The following MTAP variants were observed in gnomAD, a reference collection of about 807,000 sequenced individuals.
MTAP encodes the protein S-methyl-5'-thioadenosine phosphorylase.
A neutral mutation model predicts 33.6 loss-of-function variants in MTAP; 33 were observed. The ratio of observed to expected loss-of-function variants is 0.98; its 90% CI spans 0.74 to 1.31. The LOEUF is 1.31. MTAP is among the 40% of genes most tolerant of loss of function. The pLI is 0.00. For missense variants in MTAP, 367 were observed against 360.0 expected, an observed-to-expected ratio of 1.02 and a Z score of -0.16; for synonymous variants, 148 against 125.7, an observed-to-expected ratio of 1.18 and a Z score of -1.19.
intron 6 of MTAP, among the ~76,000 whole-genome samples, chr9:21,857,655 A>G (rs1360758549): frequency 2.0e-5 from 3 of 152,228 alleles, no homozygotes; most frequent in African/African-American, 7.2e-5. Flanking sequence ...TTCAACCATT[A>G]TATTAACTTA....
chr9:21,938,779 A>C (rs1466294199), downstream of MTAP, among the ~76,000 whole-genome samples: 1 of 152,218 alleles, frequency 6.6e-6, no homozygotes. Context: ...AAGTTATTCC[A>C]AATGCTTTGT....
chr9:21,825,887 G>C (rs111380092), intron 4 of MTAP, among the ~76,000 whole-genome samples: 1,879 of 152,268 alleles, frequency 0.012, 31 homozygotes, highest in African/African-American at 0.043. Context: ...TTTTCTTGAT[G>C]ATTAGTGATG....
At chr9:21,834,170 C>T (rs530571110) in intron 4 of MTAP, among the ~76,000 whole-genome samples, 1 of 152,318 alleles carries the variant, frequency 6.6e-6, no homozygotes, top group African/African-American at 2.4e-5. Flanking sequence ...AAGTGCCAAG[C>T]ACTTGCTTCA....
chr9:21,880,880 G>A (rs930843105), intron 1 of MTAP, among the ~76,000 whole-genome samples: 1 of 151,888 alleles, frequency 6.6e-6, no homozygotes, highest in Admixed American at 6.6e-5. Flanking sequence ...AATCTCAATG[G>A]CATTTTTTTT....
At chr9:21,825,730 A>G (rs1393565053) in intron 4 of MTAP, among the ~76,000 whole-genome samples, 1 of 152,226 alleles carries the variant, frequency 6.6e-6, no homozygotes, top group Non-Finnish European at 1.5e-5. Context: ...TGTCCCAGAT[A>G]CTTAAGAGAC....
chr9:21,827,865 A>T (rs1203572310), intron 4 of MTAP, among the ~76,000 whole-genome samples: 1 of 152,218 alleles, frequency 6.6e-6, no homozygotes, highest in Non-Finnish European at 1.5e-5. Flanking sequence ...TTATAATATG[A>T]TTGCTAAATA....
At chr9:21,914,578 C>G (rs2131020805) in intron 1 of MTAP, among the ~76,000 whole-genome samples, 1 of 141,072 alleles carries the variant, frequency 7.1e-6, no homozygotes, top group African/African-American at 2.7e-5. Context: ...GGGAATTGAG[C>G]AATGACAACT....
At chr9:21,848,769 C>A (rs1825440553) in intron 5 of MTAP, among the ~76,000 whole-genome samples, 1 of 152,118 alleles carries the variant, frequency 6.6e-6, no homozygotes, top group South Asian at 2.1e-4. Context: ...TCAGATCTAA[C>A]TGTGGTAATG....
chr9:21,894,457 C>T (rs1033584566), intron 1 of MTAP, among the ~76,000 whole-genome samples: 1 of 151,892 alleles, frequency 6.6e-6, no homozygotes, highest in East Asian at 1.9e-4. Flanking sequence ...AAAAAGAAGT[C>T]AACTATCTCT....
chr9:21,823,222 A>G (rs911879432), intron 4 of MTAP, among the ~76,000 whole-genome samples: 1 of 152,168 alleles, frequency 6.6e-6, no homozygotes, highest in African/African-American at 2.4e-5. Context: ...TCTTCCTAGC[A>G]TCGATGGTCT....
In MTAP at chr9:21,915,049, TTCCTTC is replaced by T. The variant is rs1563869476; in HGVS notation, c.148-15958_148-15953del. ...CTTCCTTCCTTCCTTCCTTCCTTCC[TTCCTTC>T]CTTTCTTTCTTTCTTTCTTTCTTTC... On this transcript the variant is annotated intron_variant, in intron 1 of 1. Transcript: ENST00000577563. Among the ~76,000 whole-genome samples the T allele has an allele frequency of 5.1e-3, 560 of 110,190 alleles. 8 individuals are homozygous for T. The highest frequency in any genetic ancestry group is 6.8e-3 in the Non-Finnish European group (396 of 58,442). 72.3% of individuals were successfully genotyped at this position (110,190 alleles called of 152,430 possible).
At chr9:21,847,745 T>G (rs1825417838) in intron 5 of MTAP, among the ~76,000 whole-genome samples, 1 of 152,238 alleles carries the variant, frequency 6.6e-6, no homozygotes, top group East Asian at 1.9e-4. Context: ...CAGCAGATAC[T>G]GAGCCTCAGA....
intron 5 of MTAP, among the ~76,000 whole-genome samples, chr9:21,838,554 A>G (rs1366398360): frequency 1.3e-5 from 2 of 152,200 alleles, no homozygotes; most frequent in Non-Finnish European, 2.9e-5. Flanking sequence ...TTAAATTACT[A>G]TTATTGATCT....
Position 21,864,675 on chromosome 9 carries a change from A to G in MTAP, c.*2661A>G, listed in dbSNP as rs1825821517. ...CTGTGCAGGGCTGGAGGTAGCTACC[A>G]TGGCTTGTTTCAAGGAAGGAAACTC... On this transcript the variant is annotated 3_prime_UTR_variant, in exon 8 of 8. Transcript: ENST00000644715. 1.2e-5 allele frequency: 12 copies of G among 985,352 alleles called. No homozygotes were observed. Among genetic ancestry groups the G allele is most frequent in the Non-Finnish European group, 1.4e-5 (12 of 830,008 alleles). The allele number at this position is 985,352 out of a possible 1,614,324, so 61.0% of individuals were successfully genotyped here.
chr9:21,868,955 C>T (rs1825895578), downstream of MTAP, among the ~76,000 whole-genome samples: 1 of 152,178 alleles, frequency 6.6e-6, no homozygotes, highest in Non-Finnish European at 1.5e-5. Context: ...GCTGGTCCCA[C>T]TTTGAGAACT....
intron 1 of MTAP, among the ~76,000 whole-genome samples, chr9:21,924,402 G>A (rs1448042698): frequency 6.6e-6 from 1 of 152,160 alleles, no homozygotes; most frequent in Non-Finnish European, 1.5e-5. Context: ...CAAGCTCCAG[G>A]AGCAGGAATC....
chr9:21,828,008 C>G (rs528742578), intron 4 of MTAP, among the ~76,000 whole-genome samples: 1 of 152,312 alleles, frequency 6.6e-6, no homozygotes, highest in Non-Finnish European at 1.5e-5. Context: ...TACGCTGTTG[C>G]ATTTCCCAGA....
In MTAP at chr9:21,864,349, A is replaced by C; in HGVS notation, c.*2335A>C. The C allele has an allele frequency of 4.1e-6, 4 of 977,780 alleles. No individual in the cohort carries two copies. The highest frequency in any genetic ancestry group is 4.8e-6 in the Non-Finnish European group (4 of 827,226). 60.6% of individuals were successfully genotyped at this position (977,780 alleles called of 1,614,324 possible). ...CACTTCTCACTTGTGATGCTGTACT[A>C]ATTTTTTTTTTTTAATTTAAGCTAG... On this transcript the variant is annotated 3_prime_UTR_variant, in exon 8 of 8. Coordinates refer to ENST00000644715, the MANE Select transcript of MTAP (RefSeq NM_002451.4).
intron 4 of MTAP, among the ~76,000 whole-genome samples, chr9:21,825,485 A>T (rs565219107): frequency 1.6e-4 from 24 of 152,274 alleles, no homozygotes; most frequent in African/African-American, 5.8e-4. Flanking sequence ...CCAGCAGTAT[A>T]CAAGGGTTCT....
Sources: allele counts gnomAD v4.1 joint callset (sites outside exome capture counted in the v4.1 genomes callset), GRCh38; gene constraint gnomAD v4.1.1; transcripts MANE v1.5; gene names NCBI Gene and HGNC (gene_info 2026-07-23, HGNC 2026-07-21).